The following TRHDE variants were observed in gnomAD, a reference collection of about 807,000 sequenced individuals.
TRHDE encodes thyrotropin-releasing hormone-degrading ectoenzyme.
TRHDE carries 72 observed loss-of-function variants against 125.7 expected under a neutral mutation model. That is an observed-to-expected ratio of 0.57 (90% CI 0.47 to 0.70). The LOEUF (loss-of-function observed/expected upper bound fraction) is 0.70. Ranked by LOEUF, TRHDE falls within the 30% of genes least tolerant of loss-of-function variation. The pLI is 0.00. For missense variants in TRHDE, 1,110 were observed against 1,327.1 expected (o/e 0.84, Z 2.54); for synonymous variants, 509 against 509.1 (o/e 1.00, Z 0.00).
intron 2 of TRHDE, among the ~76,000 whole-genome samples, chr12:72,233,137 C>G (rs868743018): frequency 3.3e-5 from 5 of 152,172 alleles, no homozygotes; most frequent in Middle Eastern, 3.2e-3. Flanking sequence ...CCTCCAATAA[C>G]ATTCTGTTAT....
At chr12:72,174,728 A>G (rs1876951071) in intron 2 of TRHDE, among the ~76,000 whole-genome samples, 2 of 152,226 alleles carry the variant, frequency 1.3e-5, no homozygotes, top group African/African-American at 4.8e-5. Context: ...TACATAAATG[A>G]TCCTATGTCC....
At chr12:72,321,717 T>C (rs1869104345) in intron 2 of TRHDE, among the ~76,000 whole-genome samples, 1 of 152,188 alleles carries the variant, frequency 6.6e-6, no homozygotes, top group South Asian at 2.1e-4. Flanking sequence ...GAATGCATTA[T>C]AGAGGTATAC....
At chr12:72,570,561 A>G (rs1049979629) in intron 10 of TRHDE, among the ~76,000 whole-genome samples, 121 of 130,272 alleles carry the variant, frequency 9.3e-4, no homozygotes, top group African/African-American at 3.3e-3. Flanking sequence ...AGCCTGAGTG[A>G]GAGAGAGAGA....
At chr12:72,525,601 TTGTGTGTGTGTG>T (rs3081972) in intron 6 of TRHDE, among the ~76,000 whole-genome samples, 2 of 127,716 alleles carry the variant, frequency 1.6e-5, no homozygotes, top group South Asian at 2.5e-4. Flanking sequence ...TGTGTGTGGT[TTGTGTGTGTGTG>T]TGTGTGTGTG....
intron 2 of TRHDE, among the ~76,000 whole-genome samples, chr12:72,348,918 TC>T (rs1249370506): frequency 6.6e-6 from 1 of 152,098 alleles, no homozygotes; most frequent in East Asian, 1.9e-4. Context: ...AGATTTTTTT[TC>T]CAGTAAGATA....
intron 2 of TRHDE, among the ~76,000 whole-genome samples, chr12:72,155,446 C>T (rs1301866332): frequency 6.6e-6 from 1 of 152,130 alleles, no homozygotes; most frequent in African/African-American, 2.4e-5. Flanking sequence ...GAGCTGTGTT[C>T]CTTTGGAGGA....
At chr12:72,579,612 A>G (rs1342830571) in intron 12 of TRHDE, among the ~76,000 whole-genome samples, 1 of 152,124 alleles carries the variant, frequency 6.6e-6, no homozygotes, top group Admixed American at 6.5e-5. Flanking sequence ...GGTTTTTAAT[A>G]TATATGTCAA....
chr12:72,516,781 C>T (rs1452301146), intron 6 of TRHDE, among the ~76,000 whole-genome samples: 2 of 151,612 alleles, frequency 1.3e-5, no homozygotes, highest in African/African-American at 2.4e-5. Context: ...GGCTGTGGGT[C>T]TGTCATAGAT....
intron 2 of TRHDE, among the ~76,000 whole-genome samples, chr12:72,201,719 A>C (rs570372045): frequency 3.9e-5 from 6 of 152,316 alleles, no homozygotes; most frequent in African/African-American, 1.4e-4. Flanking sequence ...TGCCGATCCA[A>C]GCATGTGCCA....
At chr12:72,459,469 A>T (rs185610188) in intron 3 of TRHDE, among the ~76,000 whole-genome samples, 2 of 152,284 alleles carry the variant, frequency 1.3e-5, no homozygotes, top group Non-Finnish European at 2.9e-5. Flanking sequence ...GTTGTCAAGA[A>T]CTGTTAGGAG....
At chr12:72,477,665 C>G (rs980061774) in intron 5 of TRHDE, among the ~76,000 whole-genome samples, 1 of 152,134 alleles carries the variant, frequency 6.6e-6, no homozygotes, top group Non-Finnish European at 1.5e-5. Context: ...ACTGACACAG[C>G]ACAGTAACTG....
chr12:72,481,257 A>G (rs1461935299), intron 5 of TRHDE, among the ~76,000 whole-genome samples: 1 of 151,660 alleles, frequency 6.6e-6, no homozygotes, highest in Admixed American at 6.6e-5. Context: ...GGTTACTTTA[A>G]TACTGTTCAA....
chr12:72,505,180 A>G (rs947595398), intron 6 of TRHDE, among the ~76,000 whole-genome samples: 1 of 152,222 alleles, frequency 6.6e-6, no homozygotes, highest in Non-Finnish European at 1.5e-5. Flanking sequence ...TCCCAAGACC[A>G]TTATTAAAAG....
chr12:72,166,046 G>C (rs1876739936), intron 2 of TRHDE, among the ~76,000 whole-genome samples: 1 of 152,040 alleles, frequency 6.6e-6, no homozygotes, highest in Non-Finnish European at 1.5e-5. Context: ...TACAAACCTA[G>C]ATGGTTATAG....
At chr12:72,378,473 C>G (rs1871999326) in intron 3 of TRHDE, among the ~76,000 whole-genome samples, 1 of 152,142 alleles carries the variant, frequency 6.6e-6, no homozygotes, top group African/African-American at 2.4e-5. Flanking sequence ...ACATTTTCCA[C>G]ATAAGGGAGT....
At chr12:72,163,877 C>T (rs150023378) in intron 2 of TRHDE, among the ~76,000 whole-genome samples, 2 of 152,128 alleles carry the variant, frequency 1.3e-5, no homozygotes, top group East Asian at 1.9e-4. Context: ...TTTGGGAGGC[C>T]GAGGTGGGTG....
intron 3 of TRHDE, among the ~76,000 whole-genome samples, chr12:72,452,721 C>G (rs935780986): frequency 1.3e-5 from 2 of 152,072 alleles, no homozygotes; most frequent in African/African-American, 4.8e-5. Context: ...GTACCATCCT[C>G]TTGATACTGT....
intron 2 of TRHDE, among the ~76,000 whole-genome samples, chr12:72,252,325 G>C (rs143944832): frequency 1.3e-5 from 2 of 152,204 alleles, no homozygotes; most frequent in African/African-American, 4.8e-5. Context: ...TAAGGTTGAT[G>C]TTCTCTTTTT....
chr12:72,180,111 A>G (rs1274149060), intron 2 of TRHDE, among the ~76,000 whole-genome samples: 1 of 151,916 alleles, frequency 6.6e-6, no homozygotes, highest in Non-Finnish European at 1.5e-5. Context: ...TCCATTCTGA[A>G]GTTCATTTGT....
Sources: gnomAD v4.1 joint callset for allele counts (sites outside exome capture counted in the v4.1 genomes callset) on GRCh38, gnomAD v4.1.1 for gene constraint, MANE v1.5 for transcripts, NCBI Gene and HGNC (gene_info 2026-07-23, HGNC 2026-07-21) for gene names.